NHLH1: variants seen among roughly 807,000 people sequenced by gnomAD.
NHLH1 encodes the protein nescient helix-loop-helix 1, also known as helix-loop-helix protein 1.
Under a neutral mutation model 6.7 loss-of-function variants are expected in NHLH1, and 3 were observed. The ratio of observed to expected loss-of-function variants is 0.44; its 90% CI spans 0.20 to 1.15. NHLH1 has a LOEUF of 1.15. Ranked by LOEUF, NHLH1 falls within the 50% of genes most tolerant of loss-of-function variation. The pLI is 0.26. For synonymous variants in NHLH1, 92 were observed against 84.2 expected (o/e 1.09, Z -0.51); for missense variants, 177 against 189.5 (o/e 0.93, Z 0.39).
In NHLH1 at chr1:160,370,781, C is replaced by T. The variant is rs757371187; in HGVS notation, c.50C>T (p.Ser17Leu). The T allele has an allele frequency of 1.2e-5, 20 of 1,612,834 alleles. No individual in the cohort carries two copies. Among genetic ancestry groups the T allele is most frequent in the Non-Finnish European group, 1.7e-5 (20 of 1,179,794 alleles). ...GAGCTGGACCTGCCGCCCACCCACT[C>T]AGAGACTGAGTCGGGCTTCAGTGAC... ...TMELDLPPTH[S>L]ETESGFSDCG... The change falls in exon 2 of 2, where the codon TCA becomes TTA. Residue 17 changes from serine (S) to leucine (L), a missense_variant. Ser to Leu is a moderately radical substitution (Grantham distance 145). Transcript: ENST00000302101.
At chr1:160,368,991 T>C (rs973383737) in intron 1 of NHLH1, among the ~76,000 whole-genome samples, 1 of 152,202 alleles carries the variant, frequency 6.6e-6, no homozygotes, top group Non-Finnish European at 1.5e-5. Flanking sequence ...CATTTTTAAG[T>C]GTACAATTCA....
intron 1 of NHLH1, among the ~76,000 whole-genome samples, chr1:160,369,969 GA>G (rs1355727297): frequency 2.6e-5 from 4 of 151,904 alleles, no homozygotes; most frequent in African/African-American, 9.7e-5. Flanking sequence ...TGGGTTATTT[GA>G]TTTTTTGCTG....
rs1417667993 is a variant in NHLH1, at chr1:160,371,132, G to T, written c.401G>T (p.Ter134LeuextTer57). Residue 134 changes from the stop codon to leucine (L), a stop_lost, in exon 2 of 2, where the codon TGA becomes TTA. Coordinates refer to ENST00000302101, the MANE Select transcript of NHLH1 (RefSeq NM_005598.4). ...TACCTGAACCACGTGCTGGACGTCT[G>T]AACTCAGCCTGTCTCCCACCTCCCG... ...ISYLNHVLDV[*>L] 6.2e-7 allele frequency: 1 copy of T among 1,601,602 alleles called. No homozygotes were observed. The highest frequency in any genetic ancestry group is 1.3e-5 in the African/African-American group (1 of 74,286).
At chr1:160,369,894 C>T (rs944782065) in intron 1 of NHLH1, among the ~76,000 whole-genome samples, 3 of 152,244 alleles carry the variant, frequency 2.0e-5, no homozygotes, top group Middle Eastern at 3.4e-3. Flanking sequence ...ATAACATACA[C>T]GGTACCCATT....
chr1:160,368,152 A>C (rs75444454), intron 1 of NHLH1, among the ~76,000 whole-genome samples: 6,081 of 152,084 alleles, frequency 0.04, 398 homozygotes, highest in African/African-American at 0.14. Flanking sequence ...AACCCCTTTG[A>C]GAGTATCTAT....
At position 160,370,868 on chromosome 1, in the gene NHLH1, G is replaced by C. The variant is rs1417011994; in HGVS notation, c.137G>C (p.Arg46Pro). ...GPGGPGGGQA[R>P]GPEPGEPGRK... ...GGGGGTCCGGGAGGGGGCCAGGCCC[G>C]AGGCCCAGAGCCGGGAGAGCCTGGC... Residue 46 changes from arginine to proline, a missense_variant, in exon 2 of 2, where the codon CGA (arginine) becomes CCA (proline). Physicochemically the swap from Arg to Pro is moderately radical, Grantham distance 103 (BLOSUM62 -2). Transcript: ENST00000302101. 6.2e-6 allele frequency: 10 copies of C among 1,606,304 alleles called. No individual in the cohort carries two copies. Among genetic ancestry groups the C allele is most frequent in the Non-Finnish European group, 8.5e-6 (10 of 1,176,804 alleles).
chr1:160,370,810 G>A lies in NHLH1; in HGVS notation c.79G>A (p.Gly27Arg). ...SETESGFSDC[G>R]GGAGPDGAGP... ...GACTGAGTCGGGCTTCAGTGACTGT[G>A]GGGGCGGGGCGGGCCCTGATGGTGC... The change falls in exon 2 of 2, where the codon GGG becomes AGG. Residue 27 changes from glycine to arginine, a missense_variant. Gly to Arg is a moderately radical substitution (Grantham distance 125). Coordinates refer to ENST00000302101, the MANE Select transcript of NHLH1 (RefSeq NM_005598.4). 6.2e-7 allele frequency: 1 copy of A among 1,611,714 alleles called. No homozygotes were observed. The highest frequency in any genetic ancestry group is 8.5e-7 in the Non-Finnish European group (1 of 1,179,546).
chr1:160,372,354 T>C lies in NHLH1; in HGVS notation c.*1221T>C, dbSNP rs1183641496. 3 of 155,126 alleles carry C rather than the reference T, an allele frequency of 1.9e-5. No homozygotes were observed. Among genetic ancestry groups the C allele is most frequent in the Admixed American group, 7.2e-5 (1 of 13,982 alleles). 9.6% of individuals were successfully genotyped at this position (155,126 alleles called of 1,614,324 possible). On this transcript the variant is annotated 3_prime_UTR_variant, in exon 2 of 2. Coordinates refer to ENST00000302101, the MANE Select transcript of NHLH1 (RefSeq NM_005598.4). ...AAGTATATTTATTTATTTATTTATT[T>C]ATTCATCTATTTATTTACTTATTTA...
At chr1:160,370,516 T>TCCCC in intron 1 of NHLH1, 41 bp from the exon 2 acceptor site, 1 of 465,502 alleles carries the variant, frequency 2.1e-6, no homozygotes. Context: ...GAGCATTCCC[T>TCCCC]CCTCCCTCCG....
At chr1:160,370,124 C>T (rs934346027) in intron 1 of NHLH1, among the ~76,000 whole-genome samples, 4 of 152,084 alleles carry the variant, frequency 2.6e-5, no homozygotes, top group Non-Finnish European at 5.9e-5. Flanking sequence ...CTGATGTGGT[C>T]CCGTTTTTTC....
Position 160,371,262 on chromosome 1 carries a change from G to C in NHLH1, c.*129G>C, listed in dbSNP as rs1649620235. On this transcript the variant is annotated 3_prime_UTR_variant, in exon 2 of 2. Transcript: ENST00000302101. ...GTCCCAAAGGCCCTGGGCACAGGCAGAGAGCCCACCGGCTGGTCATGAGGG... is the reference window on the plus strand; with the variant it reads ...GTCCCAAAGGCCCTGGGCACAGGCACAGAGCCCACCGGCTGGTCATGAGGG... 1 of 1,422,840 alleles carries C rather than the reference G, an allele frequency of 7.0e-7. No homozygotes were observed. The highest frequency in any genetic ancestry group is 9.3e-7 in the Non-Finnish European group (1 of 1,074,736). The allele number at this position is 1,422,840 out of a possible 1,614,324, so 88.1% of individuals were successfully genotyped here.
rs540976812 is a variant in NHLH1 at position 160,369,558 on chromosome 1, G to A, written c.-175-999G>A. ...ATTTTGCAATCCCAACAAGGCATAA[G>A]GGTTCCAATTTCTCCACATCCTTGC... On this transcript the variant is annotated intron_variant, in intron 1 of 1. Coordinates refer to ENST00000302101, the MANE Select transcript of NHLH1 (RefSeq NM_005598.4). 2.6e-5 allele frequency among the ~76,000 whole-genome samples: 4 copies of A among 152,254 alleles called. No homozygotes were observed. In the South Asian group the frequency reaches 8.3e-4, roughly 32 times the overall value.
intron 1 of NHLH1, among the ~76,000 whole-genome samples, chr1:160,369,784 A>G (rs1649581955): frequency 6.6e-6 from 1 of 152,120 alleles, no homozygotes; most frequent in Admixed American, 6.5e-5. Flanking sequence ...TTCTTAAAAA[A>G]TGTTTATTTA....
At chr1:160,367,473 C>G (rs997024800) in intron 1 of NHLH1, 136 bp downstream of exon 1, 1 of 152,834 alleles carries the variant, frequency 6.5e-6, no homozygotes, top group Non-Finnish European at 1.5e-5. Flanking sequence ...TCCCTCTTCT[C>G]CACTCCTCCC....
In NHLH1 at chr1:160,371,387, GTGGTTGGTA is replaced by G; in HGVS notation, c.*258_*266del. On this transcript the variant is annotated 3_prime_UTR_variant, in exon 2 of 2. Transcript: ENST00000302101. ...CAGCTGTGCAGAATTGTTTGCTAGT[GTGGTTGGTA>G]TGGAATCCTTGCTGGCTTTACTAAG... The G allele has an allele frequency of 2.0e-6, 1 of 491,980 alleles. No homozygotes were observed. 30.5% of individuals were successfully genotyped at this position (491,980 alleles called of 1,614,324 possible). A position where few individuals can be genotyped will look rare whatever the true frequency, so the allele number is the denominator to read the frequency against.
chr1:160,371,243 A>G lies in NHLH1; in HGVS notation c.*110A>G, dbSNP rs1458929925. On this transcript the variant is annotated 3_prime_UTR_variant, in exon 2 of 2. Coordinates refer to ENST00000302101, the MANE Select transcript of NHLH1 (RefSeq NM_005598.4). Reference sequence around the variant, plus strand: ...CCTTATACCTTGGCATGGAGTCCCAAAGGCCCTGGGCACAGGCAGAGAGCC... The same window carrying G: ...CCTTATACCTTGGCATGGAGTCCCAGAGGCCCTGGGCACAGGCAGAGAGCC... 3 of 1,476,592 alleles carry G rather than the reference A, an allele frequency of 2.0e-6. No individual in the cohort carries two copies. The highest frequency in any genetic ancestry group is 2.7e-6 in the Non-Finnish European group (3 of 1,112,670). 91.5% of individuals were successfully genotyped at this position (1,476,592 alleles called of 1,614,324 possible).
At position 160,370,587 on chromosome 1, in the gene NHLH1, C is replaced by T. The variant is rs1649600074; in HGVS notation, c.-145C>T. 2 of 709,092 alleles carry T rather than the reference C, an allele frequency of 2.8e-6. No individual in the cohort carries two copies. The highest frequency in any genetic ancestry group is 2.9e-5 in the Admixed American group (1 of 34,404). The allele number at this position is 709,092 out of a possible 1,614,324, so 43.9% of individuals were successfully genotyped here. A position where few individuals can be genotyped will look rare whatever the true frequency, so the allele number is the denominator to read the frequency against. ...AGACTGGCACCCTGACCATGGAACC[C>T]TGAAGTGGCAGTGACTTCTAGAGCT... is the stretch of plus-strand genomic sequence containing the variant. On this transcript the variant is annotated 5_prime_UTR_variant, in exon 2 of 2. Coordinates refer to ENST00000302101, the MANE Select transcript of NHLH1 (RefSeq NM_005598.4).
chr1:160,372,645 A>T lies in NHLH1; in HGVS notation c.*1512A>T, dbSNP rs1374687494. The T allele has an allele frequency of 6.1e-6, 1 of 163,822 alleles. No homozygotes were observed. The highest frequency in any genetic ancestry group is 2.5e-5 in the African/African-American group (1 of 40,116). The allele number at this position is 163,822 out of a possible 1,614,324, so 10.1% of individuals were successfully genotyped here. Reference sequence around the variant, plus strand: ...CAGGGCTCCTGGATGTCCTTCCTCAACTCCCTCCACCCCTAGACAATCCTA... The same window carrying T: ...CAGGGCTCCTGGATGTCCTTCCTCATCTCCCTCCACCCCTAGACAATCCTA... On this transcript the variant is annotated 3_prime_UTR_variant, in exon 2 of 2. Coordinates refer to ENST00000302101, the MANE Select transcript of NHLH1 (RefSeq NM_005598.4).
At chr1:160,369,604 T>G (rs934611183) in intron 1 of NHLH1, among the ~76,000 whole-genome samples, 8 of 152,174 alleles carry the variant, frequency 5.3e-5, no homozygotes, top group East Asian at 1.9e-4. Flanking sequence ...TTTTTGTTTG[T>G]TTGGTTTTTG....
Sources: allele counts gnomAD v4.1 joint callset (sites outside exome capture counted in the v4.1 genomes callset), GRCh38; gene constraint gnomAD v4.1.1; transcripts MANE v1.5; gene names NCBI Gene and HGNC (gene_info 2026-07-23, HGNC 2026-07-21).